Variants in BCAT1 observed in about 807,000 individuals in gnomAD.
BCAT1 encodes branched chain amino acid transaminase 1.
Under a neutral mutation model 52.4 loss-of-function variants are expected in BCAT1, and 48 were observed. The ratio of observed to expected loss-of-function variants is 0.92; its 90% CI spans 0.73 to 1.16. The LOEUF is 1.16. Ranked by LOEUF, BCAT1 falls within the 50% of genes most tolerant of loss-of-function variation. The pLI, the probability that BCAT1 is intolerant of heterozygous loss-of-function variation, is 0.00. For synonymous variants in BCAT1, 167 were observed against 161.3 expected, an observed-to-expected ratio of 1.04 and a Z score of -0.27; for missense variants, 451 against 457.1, an observed-to-expected ratio of 0.99 and a Z score of 0.12.
intron 1 of BCAT1, among the ~76,000 whole-genome samples, chr12:24,905,364 G>A (rs1038130614): frequency 2.0e-5 from 3 of 152,198 alleles, no homozygotes; most frequent in Non-Finnish European, 4.4e-5. Context: ...AAATGAATAT[G>A]CAAATGAAAT....
chr12:24,838,147 TA>T (rs1941059564), intron 7 of BCAT1, among the ~76,000 whole-genome samples: 2 of 152,176 alleles, frequency 1.3e-5, no homozygotes, highest in Admixed American at 1.3e-4. Context: ...CCACTGGGGT[TA>T]CATCAGACAT....
chr12:24,816,369 G>C lies in BCAT1; in HGVS notation c.*1639C>G, dbSNP rs1939875639. 2.5e-6 allele frequency: 1 copy of C among 395,934 alleles called. No individual in the cohort carries two copies. The allele number at this position is 395,934 out of a possible 1,614,324, so 24.5% of individuals were successfully genotyped here. On this transcript the variant is annotated 3_prime_UTR_variant, in exon 11 of 11. Transcript: ENST00000261192. ...AGGGAAACCAAAATACAATGTCTGA[G>C]AGTTGACCTTCCAAGGAAAAATGTT...
intron 1 of BCAT1, among the ~76,000 whole-genome samples, chr12:24,928,682 G>A (rs561623981): frequency 2.0e-5 from 3 of 149,404 alleles, no homozygotes; most frequent in Admixed American, 1.3e-4. Context: ...ACCCATGACT[G>A]TTACACCTTC....
At chr12:24,924,703 G>T (rs2139728667) in intron 1 of BCAT1, among the ~76,000 whole-genome samples, 1 of 152,030 alleles carries the variant, frequency 6.6e-6, no homozygotes, top group East Asian at 1.9e-4. Context: ...CGTATTAAAA[G>T]AAACATAACT....
chr12:24,916,847 G>C (rs978298157), intron 1 of BCAT1, among the ~76,000 whole-genome samples: 1 of 152,118 alleles, frequency 6.6e-6, no homozygotes, highest in Non-Finnish European at 1.5e-5. Context: ...CCGAAAATAG[G>C]TTCTTATTGA....
At chr12:24,821,884 A>G (rs1940150533) in intron 10 of BCAT1, among the ~76,000 whole-genome samples, 1 of 152,180 alleles carries the variant, frequency 6.6e-6, no homozygotes, top group African/African-American at 2.4e-5. Flanking sequence ...TTCAAGAGAG[A>G]TTCAAAAGGC....
At chr12:24,854,182 G>A (rs2139483709) in intron 5 of BCAT1, among the ~76,000 whole-genome samples, 1 of 152,300 alleles carries the variant, frequency 6.6e-6, no homozygotes, top group African/African-American at 2.4e-5. Context: ...TCAAAAGGCA[G>A]GATTTCAGAG....
chr12:24,836,898 A>G lies in BCAT1; in HGVS notation c.818-302T>C, dbSNP rs1015220556. Among the ~76,000 whole-genome samples the G allele has an allele frequency of 3.2e-3, 149 of 47,214 alleles. 2 individuals carry two copies. Among genetic ancestry groups the G allele is most frequent in the African/African-American group, 0.012 (147 of 12,300 alleles). 31.0% of individuals were successfully genotyped at this position (47,214 alleles called of 152,430 possible). On this transcript the variant is annotated intron_variant, in intron 7 of 10. Transcript: ENST00000261192. ...GAGAAAGAGAAAGAAAGAAAGAAAG[A>G]AAAGAAAGAGAGAAAGAAAGAAAGA...
chr12:24,853,310 A>C (rs1162569464), intron 5 of BCAT1, among the ~76,000 whole-genome samples: 3 of 152,260 alleles, frequency 2.0e-5, no homozygotes, highest in Non-Finnish European at 4.4e-5. Flanking sequence ...ACACAGCTGC[A>C]GCTGGAGTCT....
chr12:24,922,563 C>T (rs561574468), intron 1 of BCAT1, among the ~76,000 whole-genome samples: 2 of 152,278 alleles, frequency 1.3e-5, no homozygotes, highest in East Asian at 3.9e-4. Context: ...ATACTTTCGA[C>T]TATAATTTAT....
At chr12:24,825,927 G>A (rs138273748) in intron 10 of BCAT1, among the ~76,000 whole-genome samples, 260 of 152,046 alleles carry the variant, frequency 1.7e-3, no homozygotes, top group Admixed American at 2.9e-3. Flanking sequence ...AGAAATCTTC[G>A]CTGGCCAGGG....
intron 1 of BCAT1, among the ~76,000 whole-genome samples, chr12:24,909,474 A>C (rs1050730239): frequency 1.3e-5 from 2 of 152,234 alleles, no homozygotes; most frequent in Admixed American, 6.5e-5. Context: ...GGACGGTAGT[A>C]ACAAAGTGCC....
chr12:24,888,701 C>G (rs1033466380), intron 3 of BCAT1, among the ~76,000 whole-genome samples: 1 of 152,170 alleles, frequency 6.6e-6, no homozygotes, highest in Non-Finnish European at 1.5e-5. Context: ...GGCAATCACA[C>G]TTCCTAGATT....
At chr12:24,865,953 G>A (rs1259943138) in intron 5 of BCAT1, among the ~76,000 whole-genome samples, 4 of 152,196 alleles carry the variant, frequency 2.6e-5, no homozygotes, top group Non-Finnish European at 4.4e-5. Flanking sequence ...GTGCCTCCTC[G>A]GCCTCGGCGC....
intron 5 of BCAT1, among the ~76,000 whole-genome samples, chr12:24,860,014 T>C (rs1027501333): frequency 6.6e-6 from 1 of 152,232 alleles, no homozygotes; most frequent in Non-Finnish European, 1.5e-5. Flanking sequence ...GTAATAATTA[T>C]AACTGTTATG....
chr12:24,903,853 C>T (rs1943177027), intron 1 of BCAT1: 1 of 152,172 alleles, frequency 6.6e-6, no homozygotes, highest in African/African-American at 2.4e-5. Flanking sequence ...TCGCCTGGGG[C>T]AACGTCAGCC....
Position 24,826,152 on chromosome 12 carries a change from C to T in BCAT1, c.1119+3671G>A, listed in dbSNP as rs541820345. On this transcript the variant is annotated intron_variant, in intron 10 of 10. Transcript: ENST00000261192. ...GCTTGAGCCCAGGAGGTCAATGCCA[C>T]AATGAGCCAGGTTCATGCCACTACA... Among the ~76,000 whole-genome samples, 8 of 152,238 alleles carry T rather than the reference C, an allele frequency of 5.3e-5. No individual in the cohort carries two copies. In the East Asian group the frequency reaches 1.5e-3, roughly 29 times the overall value.
At chr12:24,899,698 A>C (rs1713677634) in intron 2 of BCAT1, among the ~76,000 whole-genome samples, 1 of 152,212 alleles carries the variant, frequency 6.6e-6, no homozygotes, top group Admixed American at 6.5e-5. Flanking sequence ...CAGCCATTAA[A>C]AAAGAGTAAA....
At chr12:24,916,083 C>G (rs1359924483) in intron 1 of BCAT1, among the ~76,000 whole-genome samples, 1 of 152,148 alleles carries the variant, frequency 6.6e-6, no homozygotes, top group Admixed American at 6.5e-5. Context: ...CACTTGAATC[C>G]AGGAAGCAGA....
Sources: allele counts gnomAD v4.1 joint callset (sites outside exome capture counted in the v4.1 genomes callset), GRCh38; gene constraint gnomAD v4.1.1; transcripts MANE v1.5; gene names NCBI Gene and HGNC (gene_info 2026-07-23, HGNC 2026-07-21).